GALNT13: variants seen among roughly 807,000 people sequenced by gnomAD.
GALNT13 encodes polypeptide N-acetylgalactosaminyltransferase 13.
In GALNT13, 28 loss-of-function variants were observed where a neutral mutation model predicts 64.2. That is an observed-to-expected ratio of 0.44 (90% confidence interval 0.32 to 0.60). GALNT13 has a LOEUF of 0.60. Among genes scored for constraint, GALNT13 ranks in the 20% least tolerant of loss-of-function variants. The probability of loss-of-function intolerance (pLI) is 0.05; values close to 1 mark genes in which losing one functional copy is unlikely to be tolerated. For missense variants in GALNT13, 577 were observed against 669.8 expected, an observed-to-expected ratio of 0.86 and a Z score of 1.53; for synonymous variants, 214 against 224.6, an observed-to-expected ratio of 0.95 and a Z score of 0.42.
At chr2:153,624,621 C>T in the GALNT13 span, among the ~76,000 whole-genome samples, 3 of 151,978 alleles carry the variant, frequency 2.0e-5, no homozygotes, top group Non-Finnish European at 4.4e-5. Context: ...CTGACCACAG[C>T]TTACATATAG....
the GALNT13 span, among the ~76,000 whole-genome samples, chr2:153,328,812 A>G: frequency 6.6e-6 from 1 of 151,982 alleles, no homozygotes; most frequent in East Asian, 2.0e-4. Context: ...CAATGGAGTG[A>G]ATGGTTCTGT....
chr2:154,213,606 T>C (rs1687891154), intron 4 of GALNT13, among the ~76,000 whole-genome samples: 1 of 149,198 alleles, frequency 6.7e-6, no homozygotes. Context: ...GAATCCTGCT[T>C]AGAGAGTGAA....
the GALNT13 span, among the ~76,000 whole-genome samples, chr2:153,474,794 G>T: frequency 1.3e-5 from 2 of 152,172 alleles, no homozygotes; most frequent in Admixed American, 1.3e-4. Context: ...GATCAAGCAA[G>T]CTTTTAGAGG....
intron 3 of GALNT13, among the ~76,000 whole-genome samples, chr2:154,059,390 C>T (rs945157741): frequency 1.3e-5 from 2 of 152,092 alleles, no homozygotes; most frequent in African/African-American, 4.8e-5. Context: ...CTGCAAGGAG[C>T]GTGATAAAAT....
At chr2:153,629,894 A>T in the GALNT13 span, among the ~76,000 whole-genome samples, 1 of 148,668 alleles carries the variant, frequency 6.7e-6, no homozygotes, top group Admixed American at 6.7e-5. Context: ...AACACATGAA[A>T]AAATGCTCAT....
At chr2:154,370,317 A>G (rs1447060738) in intron 9 of GALNT13, among the ~76,000 whole-genome samples, 1 of 152,162 alleles carries the variant, frequency 6.6e-6, no homozygotes, top group Non-Finnish European at 1.5e-5. Flanking sequence ...AAAACAACAA[A>G]GTCTGATATG....
chr2:153,435,812 C>G, the GALNT13 span, among the ~76,000 whole-genome samples: 4 of 151,838 alleles, frequency 2.6e-5, no homozygotes, highest in Admixed American at 2.0e-4. Context: ...AATTGAATAC[C>G]CTTTATTTCC....
At position 154,133,534 on chromosome 2, in the gene GALNT13, TTATA is replaced by T. The variant is rs201083794; in HGVS notation, c.143-6755_143-6752del. Among the ~76,000 whole-genome samples, 640 of 76,482 alleles carry T rather than the reference TTATA, an allele frequency of 8.4e-3. 2 individuals are homozygous for T. Among genetic ancestry groups the T allele is most frequent in the African/African-American group, 0.014 (222 of 15,882 alleles). 50.2% of individuals were successfully genotyped at this position (76,482 alleles called of 152,430 possible). A position where few individuals can be genotyped will look rare whatever the true frequency, so the allele number is the denominator to read the frequency against. ...TTTTTCAGTAACATAACAGACCATT[TTATA>T]TATATATATATATATATATATATAT... is the stretch of plus-strand genomic sequence containing the variant. On this transcript the variant is annotated intron_variant, in intron 3 of 12. Coordinates refer to ENST00000392825, the MANE Select transcript of GALNT13 (RefSeq NM_052917.4).
the GALNT13 span, among the ~76,000 whole-genome samples, chr2:153,484,695 A>G: frequency 6.6e-6 from 1 of 152,186 alleles, no homozygotes; most frequent in African/African-American, 2.4e-5. Context: ...CCAAACCCAC[A>G]ATGATTAAAT....
rs138409511 is a variant in GALNT13 at position 154,006,524 on chromosome 2, CAT to C, written c.142+61888_142+61889del. On this transcript the variant is annotated intron_variant, in intron 3 of 12. Transcript: ENST00000392825. ...ACTATTTGTGAATAAAATCTCATAA[CAT>C]ATCAGAAAAATGGACTGTGGGTTCC... is the stretch of plus-strand genomic sequence containing the variant. 6.9e-3 allele frequency among the ~76,000 whole-genome samples: 1,044 copies of C among 152,206 alleles called. 14 individuals carry two copies. The highest frequency in any genetic ancestry group is 0.024 in the African/African-American group (1,008 of 41,542).
chr2:153,665,206 G>A, the GALNT13 span, among the ~76,000 whole-genome samples: 1 of 152,182 alleles, frequency 6.6e-6, no homozygotes, highest in South Asian at 2.1e-4. Context: ...CTCCTGAAGT[G>A]CTTCCTCTTA....
intron 3 of GALNT13, among the ~76,000 whole-genome samples, chr2:153,970,287 T>A (rs1693652530): frequency 6.6e-6 from 1 of 152,224 alleles, no homozygotes; most frequent in Admixed American, 6.5e-5. Flanking sequence ...ACCTTTATTT[T>A]ACTTGACTGT....
chr2:153,357,862 C>T, the GALNT13 span, among the ~76,000 whole-genome samples: 63 of 152,304 alleles, frequency 4.1e-4, no homozygotes, highest in Non-Finnish European at 7.4e-5. Flanking sequence ...GGGAATACAT[C>T]TTAGCCACAG....
chr2:153,749,453 T>C, the GALNT13 span, among the ~76,000 whole-genome samples: 1 of 152,180 alleles, frequency 6.6e-6, no homozygotes, highest in Non-Finnish European at 1.5e-5. Context: ...ACAATATTCA[T>C]TCTTCCAATC....
intron 4 of GALNT13, among the ~76,000 whole-genome samples, chr2:154,208,663 TG>T (rs1243482305): frequency 1.4e-5 from 2 of 147,206 alleles, no homozygotes; most frequent in East Asian, 4.2e-4. Flanking sequence ...TGTGTGTGTG[TG>T]TGTGTAGCTA....
chr2:153,200,779 A>C, the GALNT13 span, among the ~76,000 whole-genome samples: 1 of 152,220 alleles, frequency 6.6e-6, no homozygotes, highest in Non-Finnish European at 1.5e-5. Flanking sequence ...GAAAAAAGTG[A>C]GTCAACATAG....
At chr2:153,124,247 A>G in the GALNT13 span, among the ~76,000 whole-genome samples, 2 of 152,332 alleles carry the variant, frequency 1.3e-5, no homozygotes, top group African/African-American at 4.8e-5. Flanking sequence ...CTGTAGCCTT[A>G]GTCAAAATCT....
chr2:153,499,555 C>T, the GALNT13 span, among the ~76,000 whole-genome samples: 2 of 152,174 alleles, frequency 1.3e-5, no homozygotes, highest in Non-Finnish European at 2.9e-5. Flanking sequence ...TCAGTCATGT[C>T]GTCCATGATG....
chr2:153,615,493 C>T, the GALNT13 span, among the ~76,000 whole-genome samples: 1 of 152,180 alleles, frequency 6.6e-6, no homozygotes, highest in African/African-American at 2.4e-5. Flanking sequence ...TTCCCACCAA[C>T]CATGTACAAG....
Sources: gnomAD v4.1 joint callset for allele counts (sites outside exome capture counted in the v4.1 genomes callset) on GRCh38, gnomAD v4.1.1 for gene constraint, MANE v1.5 for transcripts, NCBI Gene and HGNC (gene_info 2026-07-23, HGNC 2026-07-21) for gene names.